VGLL4: variants seen among roughly 807,000 people sequenced by gnomAD.
The protein encoded by VGLL4 is vestigial like family member 4, also known as transcription cofactor vestigial-like protein 4.
In VGLL4, 7 loss-of-function variants were observed where a neutral mutation model predicts 21.0. The ratio of observed to expected loss-of-function variants is 0.33; its 90% CI spans 0.19 to 0.63. The LOEUF (loss-of-function observed/expected upper bound fraction) is 0.63, where lower values mean the gene tolerates loss of function less well. VGLL4 is among the 20% of genes least tolerant of loss of function. The pLI is 0.78. For synonymous variants in VGLL4, 222 were observed against 173.2 expected (o/e 1.28, Z -2.21); for missense variants, 394 against 425.7 (o/e 0.93, Z 0.66).
chr3:11,718,256 G>A (rs2076944919), intron 1 of VGLL4, among the ~76,000 whole-genome samples: 1 of 152,220 alleles, frequency 6.6e-6, no homozygotes, highest in Non-Finnish European at 1.5e-5. Context: ...CAGGCCAGAT[G>A]TAACAGGAAA....
Position 11,698,463 on chromosome 3 carries a change from C to T in VGLL4, c.64+4508G>A, listed in dbSNP as rs554331218. Reference sequence around the variant, plus strand: ...GGCAGAGATTGCAGTGAGCCGTGATCGCACCACTGCATTCCAGCCTGGGCG... The same window carrying T: ...GGCAGAGATTGCAGTGAGCCGTGATTGCACCACTGCATTCCAGCCTGGGCG... On this transcript the variant is annotated intron_variant, in intron 2 of 5. Transcript: ENST00000273038. Among the ~76,000 whole-genome samples the T allele has an allele frequency of 2.8e-3, 429 of 152,286 alleles. 5 individuals carry two copies. Among genetic ancestry groups the T allele is most frequent in the South Asian group, 3.9e-3 (19 of 4,830 alleles).
chr3:11,557,052 A>C lies in VGLL4; in HGVS notation c.*1504T>G, dbSNP rs867309922. 6.6e-6 allele frequency: 1 copy of C among 152,458 alleles called. No individual in the cohort carries two copies. The highest frequency in any genetic ancestry group is 2.4e-5 in the African/African-American group (1 of 41,442). The allele number at this position is 152,458 out of a possible 1,614,324, so 9.4% of individuals were successfully genotyped here. A position where few individuals can be genotyped will look rare whatever the true frequency, so the allele number is the denominator to read the frequency against. The stretch of plus-strand genomic sequence containing the variant: ...TCCACAAAGCCTTGCAGGTGAGGTG[A>C]CCACGCCCACGTCACCTGGTCAGGT... On this transcript the variant is annotated 3_prime_UTR_variant, in exon 5 of 5. Coordinates refer to ENST00000430365, the MANE Select transcript of VGLL4 (RefSeq NM_001128219.3).
At chr3:11,662,608 C>T (rs1375056655) in intron 2 of VGLL4, among the ~76,000 whole-genome samples, 2 of 152,240 alleles carry the variant, frequency 1.3e-5, no homozygotes, top group South Asian at 2.1e-4. Context: ...AAGCTGAATG[C>T]TCTCTATTCC....
rs965046143 is a variant in VGLL4, at chr3:11,565,401, G to C, written c.273-382C>G. On this transcript the variant is annotated intron_variant, in intron 2 of 4. Transcript: ENST00000430365. The surrounding 1 kb of genome is among the most constrained non-coding windows in gnomAD (Gnocchi z 4.1). The stretch of plus-strand genomic sequence containing the variant: ...GGACGGGGACGCTGACAACGATCCA[G>C]AGTCACTGGCTGCGTCCTACATGCA... Among the ~76,000 whole-genome samples, 6 of 152,160 alleles carry C rather than the reference G, an allele frequency of 3.9e-5. No individual in the cohort carries two copies. The highest frequency in any genetic ancestry group is 7.3e-5 in the Non-Finnish European group (5 of 68,038).
chr3:11,659,466 G>C (rs1466725974), intron 2 of VGLL4, among the ~76,000 whole-genome samples: 1 of 151,602 alleles, frequency 6.6e-6, no homozygotes, highest in Non-Finnish European at 1.5e-5. Flanking sequence ...CGAGTAGCTG[G>C]GATTAGAGGC....
chr3:11,611,579 G>T (rs1376913175), intron 1 of VGLL4: 1 of 152,216 alleles, frequency 6.6e-6, no homozygotes, highest in African/African-American at 2.4e-5. Flanking sequence ...CTGAAACCTG[G>T]TTCTGACACC....
chr3:11,710,062 G>A (rs2076818183), intron 1 of VGLL4, among the ~76,000 whole-genome samples: 1 of 152,108 alleles, frequency 6.6e-6, no homozygotes, highest in Non-Finnish European at 1.5e-5. Flanking sequence ...AGCAAAAGAG[G>A]CAAGAAGGTG....
At chr3:11,665,775 C>G (rs925643854) in intron 2 of VGLL4, among the ~76,000 whole-genome samples, 1 of 152,224 alleles carries the variant, frequency 6.6e-6, no homozygotes, top group African/African-American at 2.4e-5. Context: ...CAAAATGAGA[C>G]AAAACTCCCT....
At chr3:11,587,287 T>A (rs2074383120) in intron 2 of VGLL4, among the ~76,000 whole-genome samples, 1 of 152,212 alleles carries the variant, frequency 6.6e-6, no homozygotes, top group Non-Finnish European at 1.5e-5. Flanking sequence ...TCCCTGCCGA[T>A]GAAGGAGCTG....
At chr3:11,666,775 G>A (rs911868088) in intron 2 of VGLL4, among the ~76,000 whole-genome samples, 6 of 152,144 alleles carry the variant, frequency 3.9e-5, no homozygotes, top group African/African-American at 1.4e-4. Context: ...AAAACCTACA[G>A]GCTTCTAAGG....
intron 2 of VGLL4, among the ~76,000 whole-genome samples, chr3:11,652,895 C>T (rs1261873184): frequency 6.6e-6 from 1 of 152,292 alleles, no homozygotes; most frequent in East Asian, 1.9e-4. Flanking sequence ...TAGTGATTTT[C>T]GCTACTACAA....
At chr3:11,590,631 G>A (rs899938647) in intron 2 of VGLL4, among the ~76,000 whole-genome samples, 1 of 151,574 alleles carries the variant, frequency 6.6e-6, no homozygotes, top group African/African-American at 2.4e-5. Flanking sequence ...TTATGTTTTG[G>A]AGACAATCTG....
intron 1 of VGLL4, among the ~76,000 whole-genome samples, chr3:11,634,177 T>C (rs2075541222): frequency 6.6e-6 from 1 of 152,158 alleles, no homozygotes; most frequent in African/African-American, 2.4e-5. Flanking sequence ...TCAGAGCCTT[T>C]AAACTCAACG....
rs2073427169 is a variant in VGLL4, at chr3:11,565,383, G to A, written c.273-364C>T. Among the ~76,000 whole-genome samples the A allele has an allele frequency of 6.6e-6, 1 of 152,138 alleles. No homozygotes were observed. Among genetic ancestry groups the A allele is most frequent in the African/African-American group, 2.4e-5 (1 of 41,456 alleles). ...GGACCTGCCATTTGGACAGGACGGG[G>A]ACGCTGACAACGATCCAGAGTCACT... On this transcript the variant is annotated intron_variant, in intron 2 of 4. Transcript: ENST00000430365. This position sits in a 1 kb window ranked among gnomAD's most constrained non-coding sequence, Gnocchi z 4.1.
intron 2 of VGLL4, among the ~76,000 whole-genome samples, chr3:11,590,629 T>C (rs1204709706): frequency 6.6e-6 from 1 of 151,938 alleles, no homozygotes; most frequent in Non-Finnish European, 1.5e-5. Flanking sequence ...AATTATGTTT[T>C]GGAGACAATC....
intron 2 of VGLL4, among the ~76,000 whole-genome samples, chr3:11,699,848 CA>C (rs2076654739): frequency 6.6e-6 from 1 of 151,972 alleles, no homozygotes; most frequent in African/African-American, 2.4e-5. Flanking sequence ...ATAAAGTCTA[CA>C]GTCTATTTTC....
chr3:11,706,418 A>G (rs1330515787), intron 1 of VGLL4, among the ~76,000 whole-genome samples: 1 of 152,254 alleles, frequency 6.6e-6, no homozygotes, highest in Non-Finnish European at 1.5e-5. Flanking sequence ...TCAAGGAGTC[A>G]CGCTCTTGTT....
chr3:11,582,345 C>T, intron 2 of VGLL4: 1 of 1,585,522 alleles, frequency 6.3e-7, no homozygotes, highest in Non-Finnish European at 8.6e-7. Context: ...ACAAGAAAGC[C>T]TTGGGCCTCA....
At chr3:11,650,340 T>G (rs768318977) in intron 2 of VGLL4, among the ~76,000 whole-genome samples, 20 of 152,348 alleles carry the variant, frequency 1.3e-4, no homozygotes, top group Non-Finnish European at 2.4e-4. Flanking sequence ...TAGGCTGATC[T>G]GTTTAATTAG....
Sources: allele counts gnomAD v4.1 joint callset (sites outside exome capture counted in the v4.1 genomes callset), GRCh38; gene constraint gnomAD v4.1.1; non-coding constraint Gnocchi (gnomAD v3.1); transcripts MANE v1.5; gene names NCBI Gene and HGNC (gene_info 2026-07-23, HGNC 2026-07-21).